Variants in EXD3 observed in about 807,000 individuals in gnomAD.
The protein encoded by EXD3 is exonuclease mut-7 homolog.
A neutral mutation model predicts 98.0 loss-of-function variants in EXD3; 92 were observed. The observed-to-expected ratio is 0.94, with a 90% CI of 0.79 to 1.12. EXD3 has a LOEUF of 1.12. EXD3 is among the 50% of genes most tolerant of loss of function. The pLI, the probability that EXD3 is intolerant of heterozygous loss-of-function variation, is 0.00. For missense variants in EXD3, 1,222 were observed against 1,191.6 expected, an observed-to-expected ratio of 1.03 and a Z score of -0.38; for synonymous variants, 569 against 526.0, an observed-to-expected ratio of 1.08 and a Z score of -1.12.
chr9:137,372,885 C>G lies in EXD3; in HGVS notation c.462+20G>C, dbSNP rs200030125. Reference sequence around the variant, plus strand: ...CCGAGAAGCCGTTTCCCCATGAGCCCGGCCACGTGGGCCACTCACTTCTCT... The same window carrying G: ...CCGAGAAGCCGTTTCCCCATGAGCCGGGCCACGTGGGCCACTCACTTCTCT... On this transcript the variant is annotated intron_variant, in intron 5 of 21. Transcript: ENST00000340951. 5 of 1,596,302 alleles carry G rather than the reference C, an allele frequency of 3.1e-6. No individual in the cohort carries two copies. The highest frequency in any genetic ancestry group is 2.5e-6 in the Non-Finnish European group (3 of 1,179,326).
intron 1 of EXD3, among the ~76,000 whole-genome samples, chr9:137,402,789 CA>C (rs1253985618): frequency 6.6e-6 from 1 of 152,130 alleles, no homozygotes; most frequent in Non-Finnish European, 1.5e-5. Context: ...AGACTCAGAA[CA>C]AAAACAAGTT....
chr9:137,420,522 G>A (rs2131850992), intron 1 of EXD3, among the ~76,000 whole-genome samples: 1 of 152,264 alleles, frequency 6.6e-6, no homozygotes, highest in African/African-American at 2.4e-5. Context: ...CCAAGGCTTG[G>A]ACTGGGATGA....
In EXD3 at chr9:137,352,639, G is replaced by A. The variant is rs770817049; in HGVS notation, c.1018C>T (p.Arg340Trp). ...LPAAVAVELR[R>W]FRLQGRATEA... ...GCTCACCTCCCCTGGAGCCTGAACC[G>A]GCGGAGTTCCACAGCCACCGCAGCC... is the stretch of plus-strand genomic sequence containing the variant. Residue 340 changes from arginine to tryptophan, a missense_variant, in exon 11 of 22, where the codon CGG becomes TGG. By Grantham distance (101) the Arg-to-Trp change is moderately radical. Coordinates refer to ENST00000340951, the MANE Select transcript of EXD3 (RefSeq NM_017820.5). 2.8e-5 allele frequency: 43 copies of A among 1,546,798 alleles called. No homozygotes were observed. Among genetic ancestry groups the A allele is most frequent in the African/African-American group, 4.1e-5 (3 of 72,970 alleles).
chr9:137,388,186 C>T (rs1032982452), intron 2 of EXD3, among the ~76,000 whole-genome samples: 1 of 151,832 alleles, frequency 6.6e-6, no homozygotes, highest in Non-Finnish European at 1.5e-5. Flanking sequence ...GCACCAGAGC[C>T]TGGTGCCCAC....
intron 8 of EXD3, among the ~76,000 whole-genome samples, chr9:137,355,433 GATGGAGGAAGGGAGGATGGAGGAAGGAGA>G (rs1834591623): frequency 3.3e-5 from 4 of 122,510 alleles, no homozygotes; most frequent in Admixed American, 7.7e-5. Context: ...GAGGAAGGAG[GATGGAGGAAGGGAGGATGGAGGAAGGAGA>G]AAGGAGGAAG....
chr9:137,378,001 G>T (rs1287104859), intron 3 of EXD3, among the ~76,000 whole-genome samples: 1 of 151,340 alleles, frequency 6.6e-6, no homozygotes, highest in Non-Finnish European at 1.5e-5. Flanking sequence ...CGCTATGTTG[G>T]CCAGACTGGT....
chr9:137,351,582 G>A, intron 12 of EXD3, 54 bp from the exon 13 acceptor site: 1 of 1,508,846 alleles, frequency 6.6e-7, no homozygotes, highest in South Asian at 1.2e-5. Context: ...GCTCTGCAGG[G>A]ACCACAGCCT....
chr9:137,358,943 G>T (rs546178078), intron 7 of EXD3, among the ~76,000 whole-genome samples: 3 of 150,224 alleles, frequency 2.0e-5, no homozygotes, highest in Non-Finnish European at 4.4e-5. Context: ...ACTGCACCTG[G>T]CAAGGCCTAC....
rs75355673 is a variant in EXD3 at position 137,370,403 on chromosome 9, G to A, written c.463-2414C>T. Among the ~76,000 whole-genome samples, 388 of 152,122 alleles carry A rather than the reference G, an allele frequency of 2.6e-3. 1 individual carries two copies. The highest frequency in any genetic ancestry group is 8.7e-3 in the African/African-American group (359 of 41,458). On this transcript the variant is annotated intron_variant, in intron 5 of 21. Transcript: ENST00000340951. ...CAGAAGGTGAAGAGTCCTGGACCCC[G>A]TGGGAGGAACGAGCCCGGGGCTGGG...
chr9:137,421,508 G>T (rs1391668231), intron 1 of EXD3, among the ~76,000 whole-genome samples: 2 of 152,148 alleles, frequency 1.3e-5, no homozygotes, highest in African/African-American at 4.8e-5. Context: ...CCTACAATCT[G>T]GACTAAATCC....
At chr9:137,307,494 C>G in intron 21 of EXD3, 114 bp downstream of exon 21, 1 of 1,389,590 alleles carries the variant, frequency 7.2e-7, no homozygotes, top group Non-Finnish European at 9.7e-7. Flanking sequence ...CCTACAGGAG[C>G]CCCACAGAGC....
intron 7 of EXD3, chr9:137,365,236 C>G (rs1835165194): frequency 6.6e-6 from 1 of 152,160 alleles, no homozygotes; most frequent in African/African-American, 2.4e-5. Flanking sequence ...AGGAAACAAA[C>G]TCAGAAAGTG....
At chr9:137,314,866 G>A (rs1291110411) in intron 19 of EXD3, among the ~76,000 whole-genome samples, 1 of 152,214 alleles carries the variant, frequency 6.6e-6, no homozygotes. Context: ...AGTCTCCGGA[G>A]GCCGGGTCTG....
intron 1 of EXD3, among the ~76,000 whole-genome samples, chr9:137,409,492 G>A (rs986093081): frequency 2.0e-5 from 3 of 152,178 alleles, no homozygotes; most frequent in African/African-American, 2.4e-5. Flanking sequence ...CAAAGCAGGC[G>A]GATTGCTTGA....
rs1033166520 is a variant in EXD3, at chr9:137,373,754, C to T, written c.121-155G>A. Reference sequence around the variant, plus strand: ...TCTGCGCCTCCGTGACTTTTCATGCCGCCGTTCTGGTCCGCTGCACCCCAG... The same window carrying T: ...TCTGCGCCTCCGTGACTTTTCATGCTGCCGTTCTGGTCCGCTGCACCCCAG... On this transcript the variant is annotated intron_variant, in intron 3 of 21. Coordinates refer to ENST00000340951, the MANE Select transcript of EXD3 (RefSeq NM_017820.5). Among the ~76,000 whole-genome samples the T allele has an allele frequency of 5.9e-5, 9 of 152,218 alleles. 1 individual carries two copies. The South Asian group carries it at 1.7e-3, about 28-fold the overall frequency.
chr9:137,354,842 G>C (rs1353222719), intron 8 of EXD3, 69 bp from the exon 9 acceptor site: 1 of 1,479,002 alleles, frequency 6.8e-7, no homozygotes, highest in African/African-American at 1.4e-5. Context: ...TCTGGGGCGG[G>C]CTGGAGACGG....
At chr9:137,334,853 G>A (rs1170465456) in intron 17 of EXD3, among the ~76,000 whole-genome samples, 3 of 152,184 alleles carry the variant, frequency 2.0e-5, no homozygotes, top group African/African-American at 4.8e-5. Context: ...CGAGGCGGGC[G>A]GATCACGAGG....
intron 17 of EXD3, among the ~76,000 whole-genome samples, chr9:137,344,872 T>TG: frequency 6.6e-6 from 1 of 151,968 alleles, no homozygotes; most frequent in South Asian, 2.1e-4. Flanking sequence ...TTCCACTGTC[T>TG]GGAGATCTCC....
chr9:137,411,125 G>A (rs1055363865), intron 1 of EXD3, among the ~76,000 whole-genome samples: 5 of 152,186 alleles, frequency 3.3e-5, no homozygotes, highest in African/African-American at 7.2e-5. Context: ...AGCAGATTCC[G>A]GCTGAGGCCC....
Sources: allele counts gnomAD v4.1 joint callset (sites outside exome capture counted in the v4.1 genomes callset), GRCh38; gene constraint gnomAD v4.1.1; transcripts MANE v1.5; gene names NCBI Gene and HGNC (gene_info 2026-07-23, HGNC 2026-07-21).